NLGN4Y: variants seen among roughly 807,000 people sequenced by gnomAD.
NLGN4Y encodes the protein neuroligin 4 Y-linked, also known as neuroligin-4, Y-linked.
Under a neutral mutation model 8.4 loss-of-function variants are expected in NLGN4Y, and 4 were observed. That is an observed-to-expected ratio of 0.48 (90% confidence interval 0.23 to 1.09). The LOEUF (loss-of-function observed/expected upper bound fraction) is 1.09, where lower values mean the gene tolerates loss of function less well. Ranked by LOEUF, NLGN4Y falls within the 50% of genes least tolerant of loss-of-function variation. The pLI, the probability that NLGN4Y is intolerant of heterozygous loss-of-function variation, is 0.19. For synonymous variants in NLGN4Y, 35 were observed against 75.6 expected, an observed-to-expected ratio of 0.46 and a Z score of 2.78; for missense variants, 90 against 192.3, an observed-to-expected ratio of 0.47 and a Z score of 3.15.
At chrY:14,691,855 T>A in intron 2 of NLGN4Y, among the ~76,000 whole-genome samples, 2 of 33,300 alleles carry the variant, frequency 6.0e-5, no homozygotes, top group Non-Finnish European at 1.5e-4. Context: ...TGATGATGAG[T>A]CATTAGACCT....
intron 4 of NLGN4Y, among the ~76,000 whole-genome samples, chrY:14,730,670 T>C: frequency 3.0e-5 from 1 of 33,221 alleles, no homozygotes; most frequent in African/African-American, 1.2e-4. Flanking sequence ...AGTGAGAATA[T>C]GCAGTATTGA....
At chrY:14,595,630 G>C in intron 1 of NLGN4Y, among the ~76,000 whole-genome samples, 1 of 32,866 alleles carries the variant, frequency 3.0e-5, no homozygotes, top group Non-Finnish European at 7.5e-5. Flanking sequence ...GGGTCAAATT[G>C]GTCCCAATGG....
chrY:14,673,311 T>A (rs1603502503), intron 2 of NLGN4Y, among the ~76,000 whole-genome samples: 1 of 30,509 alleles, frequency 3.3e-5, no homozygotes, highest in Non-Finnish European at 7.9e-5. Flanking sequence ...GAATCTACAA[T>A]GAACTCAAAC....
intron 1 of NLGN4Y, among the ~76,000 whole-genome samples, chrY:14,616,539 G>A: frequency 3.0e-5 from 1 of 32,798 alleles, no homozygotes; most frequent in East Asian, 8.0e-4. Flanking sequence ...ATGTTAGGGT[G>A]TCGATTTTAG....
intron 2 of NLGN4Y, among the ~76,000 whole-genome samples, chrY:14,715,103 A>C: frequency 3.0e-5 from 1 of 33,687 alleles, no homozygotes; most frequent in African/African-American, 1.2e-4. Flanking sequence ...TTAGAATGAC[A>C]ATCATTAAAA....
chrY:14,562,975 A>G, intron 1 of NLGN4Y, among the ~76,000 whole-genome samples: 1 of 33,907 alleles, frequency 2.9e-5, no homozygotes, highest in South Asian at 6.5e-4. Flanking sequence ...TAAATAAACA[A>G]TCATGTCTGT....
At chrY:14,573,702 T>C in intron 1 of NLGN4Y, among the ~76,000 whole-genome samples, 1 of 33,768 alleles carries the variant, frequency 3.0e-5, no homozygotes, top group Admixed American at 2.7e-4. Flanking sequence ...GTGTCAATTT[T>C]AGATTTTTCC....
chrY:14,745,160 G>T (rs2081020275), intron 4 of NLGN4Y, among the ~76,000 whole-genome samples: 1 of 33,630 alleles, frequency 3.0e-5, no homozygotes, highest in Admixed American at 2.7e-4. Flanking sequence ...AGAACAACTG[G>T]CATGACTAAC....
intron 1 of NLGN4Y, among the ~76,000 whole-genome samples, chrY:14,580,877 GAAAAAAAAAAAAAA>G (rs748606939): frequency 6.4e-4 from 2 of 3,102 alleles, no homozygotes; most frequent in African/African-American, 2.3e-3. Context: ...CATCTGTATG[GAAAAAAAAAAAAAA>G]AAAAAAAAAA....
chrY:14,842,763 C>T lies in NLGN4Y; in HGVS notation c.*1501C>T, dbSNP rs1294788722. The T allele has an allele frequency of 8.2e-6, 1 of 121,367 alleles. No homozygotes were observed. Among genetic ancestry groups the T allele is most frequent in the Non-Finnish European group, 1.8e-5 (1 of 56,089 alleles). 30.3% of individuals were successfully genotyped at this position (121,367 alleles called of 400,897 possible). ...GTTTTTGGGGAAATTAGGATATCTT[C>T]ACTGACAAGACACTGAATGGAATTT... On this transcript the variant is annotated 3_prime_UTR_variant, in exon 7 of 7. Coordinates refer to ENST00000684976, the MANE Select transcript of NLGN4Y (RefSeq NM_001365588.1).
intron 2 of NLGN4Y, among the ~76,000 whole-genome samples, chrY:14,717,958 G>A: frequency 3.0e-5 from 1 of 33,835 alleles, no homozygotes; most frequent in Non-Finnish European, 7.3e-5. Flanking sequence ...TTTAAAAGAT[G>A]TGGTATACCC....
At chrY:14,653,088 C>T (rs2080635325) in intron 2 of NLGN4Y, among the ~76,000 whole-genome samples, 1 of 32,678 alleles carries the variant, frequency 3.1e-5, no homozygotes, top group African/African-American at 1.2e-4. Context: ...TTCAAGCACA[C>T]ACCAAATGTT....
intron 1 of NLGN4Y, among the ~76,000 whole-genome samples, chrY:14,571,486 T>C: frequency 3.0e-5 from 1 of 33,648 alleles, no homozygotes; most frequent in African/African-American, 1.2e-4. Flanking sequence ...CATTGTAGTA[T>C]CTGGATATTA....
chrY:14,551,595 G>A (rs2080193253), intron 1 of NLGN4Y, among the ~76,000 whole-genome samples: 1 of 33,478 alleles, frequency 3.0e-5, no homozygotes, highest in African/African-American at 1.2e-4. Context: ...TCAGACACAC[G>A]TGTGATCAAA....
At chrY:14,810,045 C>A (rs2043072528) in intron 4 of NLGN4Y, among the ~76,000 whole-genome samples, 1 of 33,120 alleles carries the variant, frequency 3.0e-5, no homozygotes, top group Admixed American at 2.8e-4. Flanking sequence ...TTTGATAGTG[C>A]AGAAATTCAG....
At chrY:14,798,853 G>T (rs959525673) in intron 4 of NLGN4Y, 24 of 34,100 alleles carry the variant, frequency 7.0e-4, no homozygotes, top group Non-Finnish European at 1.5e-3. Flanking sequence ...TATGACTTAA[G>T]GCCATGCCCA....
chrY:14,688,450 T>A, intron 2 of NLGN4Y, among the ~76,000 whole-genome samples: 3 of 32,926 alleles, frequency 9.1e-5, no homozygotes, highest in South Asian at 6.7e-4. Context: ...CTGGTAACAT[T>A]GAAGTCAATG....
At chrY:14,571,572 C>A (rs2080270152) in intron 1 of NLGN4Y, among the ~76,000 whole-genome samples, 1 of 33,235 alleles carries the variant, frequency 3.0e-5, no homozygotes, top group South Asian at 6.7e-4. Flanking sequence ...ATGGTAATTT[C>A]TTTGGCTGTG....
intron 4 of NLGN4Y, among the ~76,000 whole-genome samples, chrY:14,771,726 G>T (rs746584895): frequency 8.1e-4 from 27 of 33,345 alleles, no homozygotes; most frequent in South Asian, 2.7e-3. Flanking sequence ...CAGGCTAAAT[G>T]CCCCAACTAA....
Sources: gnomAD v4.1 joint callset for allele counts (sites outside exome capture counted in the v4.1 genomes callset) on GRCh38, gnomAD v4.1.1 for gene constraint, MANE v1.5 for transcripts, NCBI Gene and HGNC (gene_info 2026-07-23, HGNC 2026-07-21) for gene names.